CYLD: variants seen among roughly 807,000 people sequenced by gnomAD.
CYLD encodes the protein CYLD lysine 63 deubiquitinase.
CYLD carries 26 observed loss-of-function variants against 104.5 expected under a neutral mutation model. The observed-to-expected ratio is 0.25, with a 90% CI of 0.18 to 0.35. The LOEUF (loss-of-function observed/expected upper bound fraction) is 0.35. CYLD is among the 10% of genes least tolerant of loss of function. The pLI, the probability that CYLD is intolerant of heterozygous loss-of-function variation, is 1.00. For missense variants in CYLD, 703 were observed against 1,136.1 expected (o/e 0.62, Z 5.48); for synonymous variants, 385 against 399.9 (o/e 0.96, Z 0.45).
chr16:50,758,011 G>T (rs1967463402), intron 5 of CYLD, among the ~76,000 whole-genome samples: 1 of 152,112 alleles, frequency 6.6e-6, no homozygotes, highest in South Asian at 2.1e-4. Context: ...AAGCAAAACT[G>T]GTAAAAATTC....
At chr16:50,774,518 G>A (rs917893975) in intron 5 of CYLD, among the ~76,000 whole-genome samples, 1 of 152,140 alleles carries the variant, frequency 6.6e-6, no homozygotes, top group Non-Finnish European at 1.5e-5. Flanking sequence ...ATCACTACTC[G>A]TGTACTTCAG....
intron 4 of CYLD, among the ~76,000 whole-genome samples, chr16:50,753,069 C>CT (rs1299795472): frequency 6.6e-6 from 1 of 152,118 alleles, no homozygotes; most frequent in Non-Finnish European, 1.5e-5. Context: ...CTCAGGTATA[C>CT]TTTTTGGTTG....
chr16:50,746,391 C>T (rs998106836), intron 2 of CYLD, among the ~76,000 whole-genome samples: 3 of 152,130 alleles, frequency 2.0e-5, no homozygotes, highest in East Asian at 3.8e-4. Context: ...AGACTCGAGC[C>T]GTAAAGTTTC....
At chr16:50,768,383 T>G (rs1968751911) in intron 5 of CYLD, among the ~76,000 whole-genome samples, 1 of 152,204 alleles carries the variant, frequency 6.6e-6, no homozygotes, top group Non-Finnish European at 1.5e-5. Flanking sequence ...CTTTAGTTCC[T>G]TAGTTTCTTT....
chr16:50,769,586 T>G (rs2150964023), intron 5 of CYLD, among the ~76,000 whole-genome samples: 1 of 152,370 alleles, frequency 6.6e-6, no homozygotes, highest in African/African-American at 2.4e-5. Context: ...ATATATGCTT[T>G]ACAGCATTTC....
Position 50,751,607 on chromosome 16 carries a change from G to A in CYLD, c.508G>A (p.Glu170Lys). The A allele has an allele frequency of 6.2e-7, 1 of 1,613,326 alleles. No homozygotes were observed. Among genetic ancestry groups the A allele is most frequent in the Non-Finnish European group, 8.5e-7 (1 of 1,179,470 alleles). ...GIFFGVELLE[E>K]GRGQGFTDGV... The stretch of plus-strand genomic sequence containing the variant: ...TCCCTTCTCTCTTAAAAACTAGGAA[G>A]AAGGTCGTGGTCAAGGTTTCACTGA... Residue 170 changes from glutamate to lysine, a missense_variant, in exon 4 of 19, where the codon GAA becomes AAA. Transcript: ENST00000427738.
intron 13 of CYLD, chr16:50,787,361 T>G (rs1451707535): frequency 2.2e-5 from 6 of 278,198 alleles, no homozygotes; most frequent in African/African-American, 4.5e-5. Flanking sequence ...AGTGTTATAA[T>G]CTCTTCCTAG....
chr16:50,744,273 T>A (rs1358723588), intron 2 of CYLD, among the ~76,000 whole-genome samples: 1 of 152,180 alleles, frequency 6.6e-6, no homozygotes, highest in East Asian at 1.9e-4. Context: ...TGAGGAAAAT[T>A]AAAACGGACT....
chr16:50,767,427 A>G (rs959774445), intron 5 of CYLD, among the ~76,000 whole-genome samples: 3 of 151,308 alleles, frequency 2.0e-5, no homozygotes, highest in Non-Finnish European at 2.9e-5. Context: ...AGAACCTACA[A>G]TATCTCCAGG....
chr16:50,781,340 G>C lies in CYLD; in HGVS notation c.1613G>C (p.Ser538Thr). The C allele has an allele frequency of 6.2e-7, 1 of 1,613,892 alleles. No homozygotes were observed. Among genetic ancestry groups the C allele is most frequent in the South Asian group, 1.1e-5 (1 of 91,074 alleles). ...LKKALFVKLKSCRPDSRFASL... is the reference protein window; with the variant it reads ...LKKALFVKLKTCRPDSRFASL... ...AAGGCGCTGTTTGTGAAACTGAAGAGCTGCAGGCCTGACTCTAGGTTTGCA... is the reference window on the plus strand; with the variant it reads ...AAGGCGCTGTTTGTGAAACTGAAGACCTGCAGGCCTGACTCTAGGTTTGCA... The change falls in exon 10 of 19, where the codon AGC (serine) becomes ACC (threonine). Residue 538 changes from serine to threonine, a missense_variant. Physicochemically the swap from Ser to Thr is moderately conservative, Grantham distance 58. Transcript: ENST00000427738.
At chr16:50,765,670 A>G (rs1197299488) in intron 5 of CYLD, among the ~76,000 whole-genome samples, 1 of 152,232 alleles carries the variant, frequency 6.6e-6, no homozygotes, top group African/African-American at 2.4e-5. Flanking sequence ...GTGAATGCAA[A>G]GGAATATTTC....
intron 18 of CYLD, 141 bp from the exon 19 acceptor site, chr16:50,796,182 CT>C: frequency 1.3e-6 from 1 of 752,690 alleles, no homozygotes; most frequent in Non-Finnish European, 2.1e-6. Context: ...TTAAAGGAGG[CT>C]TTCACTTCCA....
In CYLD at chr16:50,799,633, A is replaced by G. The variant is rs1364664802; in HGVS notation, c.*3125A>G. 4.3e-6 allele frequency: 1 copy of G among 233,302 alleles called. No individual in the cohort carries two copies. Among genetic ancestry groups the G allele is most frequent in the Non-Finnish European group, 8.5e-6 (1 of 117,910 alleles). The allele number at this position is 233,302 out of a possible 1,614,324, so 14.5% of individuals were successfully genotyped here. ...ATTCCTTTATTATTTTTTTTCACAG[A>G]TTTTGAGAACAAGGGGGAGAGATAG... On this transcript the variant is annotated 3_prime_UTR_variant, in exon 19 of 19. Transcript: ENST00000427738.
intron 2 of CYLD, among the ~76,000 whole-genome samples, chr16:50,747,931 TGTA>T (rs1475456277): frequency 1.3e-5 from 2 of 152,250 alleles, no homozygotes; most frequent in African/African-American, 4.8e-5. Flanking sequence ...CATGCTGGCT[TGTA>T]GAGGGAGAGA....
intron 12 of CYLD, chr16:50,785,751 A>G (rs1260021445): frequency 6.6e-6 from 1 of 152,202 alleles, no homozygotes; most frequent in African/African-American, 2.4e-5. Context: ...CTGTGTCTGT[A>G]GCATTCATAT....
intron 9 of CYLD, among the ~76,000 whole-genome samples, chr16:50,780,833 T>C (rs977818237): frequency 2.6e-5 from 4 of 151,084 alleles, no homozygotes; most frequent in Admixed American, 6.6e-5. Context: ...TAAATATATT[T>C]CTTTTTTTTT....
In CYLD at chr16:50,784,441, C is replaced by G; in HGVS notation, c.1939C>G (p.Pro647Ala). 6.2e-7 allele frequency: 1 copy of G among 1,612,746 alleles called. No homozygotes were observed. The highest frequency in any genetic ancestry group is 8.5e-7 in the Non-Finnish European group (1 of 1,179,636). Reference protein sequence around the residue: ...QELLRTEIVNPLRIYGYVCAT... With the variant: ...QELLRTEIVNALRIYGYVCAT... ...GCTACTGAGGACAGAAATTGTTAATCCTCTGAGAATGTAAGTAGAAAACAA... is the reference window on the plus strand; with the variant it reads ...GCTACTGAGGACAGAAATTGTTAATGCTCTGAGAATGTAAGTAGAAAACAA... Residue 647 changes from proline to alanine, a missense_variant, in exon 12 of 19, where the codon CCT (proline) becomes GCT (alanine). Pro to Ala is a conservative substitution (Grantham distance 27). Transcript: ENST00000427738.
At chr16:50,754,644 T>C (rs1211469602) in intron 5 of CYLD, among the ~76,000 whole-genome samples, 1 of 149,220 alleles carries the variant, frequency 6.7e-6, no homozygotes, top group East Asian at 2.0e-4. Flanking sequence ...TCTTTCCCCC[T>C]GAGTCCCCAA....
intron 2 of CYLD, among the ~76,000 whole-genome samples, chr16:50,746,636 A>T (rs1000983940): frequency 6.6e-6 from 1 of 152,180 alleles, no homozygotes; most frequent in African/African-American, 2.4e-5. Flanking sequence ...TTAGGAAAAA[A>T]GTTACCACTC....
Sources: allele counts gnomAD v4.1 joint callset (sites outside exome capture counted in the v4.1 genomes callset), GRCh38; gene constraint gnomAD v4.1.1; transcripts MANE v1.5; gene names NCBI Gene and HGNC (gene_info 2026-07-23, HGNC 2026-07-21).